Variants in HPCAL1 observed in about 807,000 individuals in gnomAD.
HPCAL1 encodes the protein hippocalcin like 1, also known as hippocalcin-like protein 1.
A neutral mutation model predicts 17.1 loss-of-function variants in HPCAL1; 8 were observed. The observed-to-expected ratio is 0.47, with a 90% CI of 0.27 to 0.84. The LOEUF is 0.84. Ranked by LOEUF, HPCAL1 falls within the 40% of genes least tolerant of loss-of-function variation. The probability of loss-of-function intolerance (pLI) is 0.13; values close to 1 mark genes in which losing one functional copy is unlikely to be tolerated. For synonymous variants in HPCAL1, 112 were observed against 111.4 expected (o/e 1.01, Z -0.03); for missense variants, 165 against 271.1 (o/e 0.61, Z 2.75).
In HPCAL1 at chr2:10,331,856, C is replaced by T. The variant is rs866065947; in HGVS notation, c.-111+28679C>T. ...TGGTGAGGGTGCCCTTCTTGTCACC[C>T]GTTGTCATTTACGAGACAGCCCTGT... On this transcript the variant is annotated intron_variant, in intron 1 of 4. Transcript: ENST00000307845. This position sits in a 1 kb window ranked among gnomAD's most constrained non-coding sequence, Gnocchi z 5.0. Among the ~76,000 whole-genome samples the T allele has an allele frequency of 6.6e-6, 1 of 152,124 alleles. No homozygotes were observed. Among genetic ancestry groups the T allele is most frequent in the Non-Finnish European group, 1.5e-5 (1 of 68,030 alleles).
intron 1 of HPCAL1, among the ~76,000 whole-genome samples, chr2:10,388,078 G>A (rs1211942809): frequency 6.6e-6 from 1 of 152,142 alleles, no homozygotes; most frequent in East Asian, 1.9e-4. Context: ...TCTGGACTAG[G>A]GTTCTAAGGT....
chr2:10,356,631 G>A (rs559480330), intron 1 of HPCAL1, among the ~76,000 whole-genome samples: 28 of 152,270 alleles, frequency 1.8e-4, no homozygotes, highest in African/African-American at 5.8e-4. Flanking sequence ...TCCATAGCCA[G>A]GCCCCGTGCC....
intron 2 of HPCAL1, among the ~76,000 whole-genome samples, chr2:10,410,057 G>T (rs1174656595): frequency 6.6e-6 from 1 of 152,034 alleles, no homozygotes; most frequent in Non-Finnish European, 1.5e-5. Context: ...CTGAAGTGCT[G>T]GGATGACAGG....
Position 10,419,809 on chromosome 2 carries a change from G to A in HPCAL1, c.52G>A (p.Glu18Lys). ...GCCCGAGGTGCTGCAGGACCTGCGG[G>A]AGAACACGGAGTTCACCGACCACGA... ...LRPEVLQDLR[E>K]NTEFTDHELQ... The change falls in exon 3 of 5, where the codon GAG becomes AAG. Residue 18 changes from glutamate to lysine, a missense_variant. Physicochemically the swap from Glu to Lys is moderately conservative, Grantham distance 56 (BLOSUM62 1). Transcript: ENST00000307845. The surrounding 1 kb of genome is among the most constrained non-coding windows in gnomAD (Gnocchi z 5.0). 1.2e-6 allele frequency: 2 copies of A among 1,613,644 alleles called. No individual in the cohort carries two copies. Among genetic ancestry groups the A allele is most frequent in the Non-Finnish European group, 1.7e-6 (2 of 1,179,976 alleles).
At chr2:10,423,158 C>A (rs766450685) in intron 4 of HPCAL1, 70 bp downstream of exon 4, 2 of 1,170,102 alleles carry the variant, frequency 1.7e-6, no homozygotes, top group Non-Finnish European at 2.5e-6. Flanking sequence ...GTTTGGGGCA[C>A]CCCCTCCCCT....
rs1383309478 is a variant in HPCAL1, at chr2:10,377,362, G to A, written c.-110-19473G>A. 1.3e-5 allele frequency among the ~76,000 whole-genome samples: 2 copies of A among 152,232 alleles called. No individual in the cohort carries two copies. Among genetic ancestry groups the A allele is most frequent in the Non-Finnish European group, 2.9e-5 (2 of 68,038 alleles). On this transcript the variant is annotated intron_variant, in intron 1 of 4. Coordinates refer to ENST00000307845, the MANE Select transcript of HPCAL1 (RefSeq NM_002149.4). The surrounding 1 kb of genome is among the most constrained non-coding windows in gnomAD (Gnocchi z 5.9). Reference sequence around the variant, plus strand: ...CCAGCAGTGCTTTACCTGGAAAGGTGTCTGAACAGTGCTTGCAAAGGTAAC... The same window carrying A: ...CCAGCAGTGCTTTACCTGGAAAGGTATCTGAACAGTGCTTGCAAAGGTAAC...
chr2:10,314,388 C>T (rs1332977933), intron 1 of HPCAL1, among the ~76,000 whole-genome samples: 1 of 152,072 alleles, frequency 6.6e-6, no homozygotes, highest in African/African-American at 2.4e-5. Flanking sequence ...TCAACCTTTC[C>T]TGTTAACTTC....
intron 2 of HPCAL1, among the ~76,000 whole-genome samples, chr2:10,407,450 C>T (rs1313216280): frequency 3.9e-5 from 6 of 152,258 alleles, no homozygotes; most frequent in African/African-American, 7.2e-5. Context: ...GCTTGGAATA[C>T]ACAACCATTC....
chr2:10,417,714 G>T (rs1331820992), intron 2 of HPCAL1, among the ~76,000 whole-genome samples: 1 of 152,156 alleles, frequency 6.6e-6, no homozygotes, highest in Non-Finnish European at 1.5e-5. Flanking sequence ...CAAGGTGAAT[G>T]TGTGTTTGGA....
intron 1 of HPCAL1, among the ~76,000 whole-genome samples, chr2:10,357,169 T>G (rs1343790904): frequency 6.6e-6 from 1 of 152,118 alleles, no homozygotes; most frequent in Non-Finnish European, 1.5e-5. Flanking sequence ...CCGTTCCTCC[T>G]CAGGGCCTGT....
intron 2 of HPCAL1, among the ~76,000 whole-genome samples, chr2:10,418,364 G>A (rs1412796804): frequency 4.0e-5 from 6 of 150,024 alleles, no homozygotes; most frequent in Non-Finnish European, 7.4e-5. Flanking sequence ...AACCCAGGAG[G>A]TGGAGGTTGC....
intron 2 of HPCAL1, among the ~76,000 whole-genome samples, chr2:10,411,603 T>A (rs966994701): frequency 6.6e-6 from 1 of 152,208 alleles, no homozygotes; most frequent in Non-Finnish European, 1.5e-5. Context: ...TGCCCCTTCC[T>A]GGGCATGCCT....
At position 10,323,329 on chromosome 2, in the gene HPCAL1, T is replaced by C. The variant is rs1168711608; in HGVS notation, c.-111+20152T>C. Reference sequence around the variant, plus strand: ...TGCCTCTTGTACCCTAACTTCAGTGTTAGAGCACCTTTCAGGGGGAATGGC... The same window carrying C: ...TGCCTCTTGTACCCTAACTTCAGTGCTAGAGCACCTTTCAGGGGGAATGGC... On this transcript the variant is annotated intron_variant, in intron 1 of 4. Coordinates refer to ENST00000307845, the MANE Select transcript of HPCAL1 (RefSeq NM_002149.4). The surrounding 1 kb of genome is among the most constrained non-coding windows in gnomAD (Gnocchi z 4.6). Among the ~76,000 whole-genome samples, 8 of 152,256 alleles carry C rather than the reference T, an allele frequency of 5.3e-5. No homozygotes were observed. The highest frequency in any genetic ancestry group is 5.2e-4 in the Admixed American group (8 of 15,292).
Position 10,343,882 on chromosome 2 carries a change from C to T in HPCAL1, c.-111+40705C>T, listed in dbSNP as rs1183273120. Among the ~76,000 whole-genome samples, 3 of 152,138 alleles carry T rather than the reference C, an allele frequency of 2.0e-5. No homozygotes were observed. The highest frequency in any genetic ancestry group is 2.9e-5 in the Non-Finnish European group (2 of 68,022). On this transcript the variant is annotated intron_variant, in intron 1 of 4. Transcript: ENST00000307845. This position sits in a 1 kb window ranked among gnomAD's most constrained non-coding sequence, Gnocchi z 4.8. Reference sequence around the variant, plus strand: ...GATGAACACATGGCCCATGGCTGTGCGCTTCCCAAGCAAGCAGTTCTGGAG... The same window carrying T: ...GATGAACACATGGCCCATGGCTGTGTGCTTCCCAAGCAAGCAGTTCTGGAG...
At chr2:10,391,129 G>A (rs1455159913) in intron 1 of HPCAL1, among the ~76,000 whole-genome samples, 2 of 152,178 alleles carry the variant, frequency 1.3e-5, no homozygotes, top group Admixed American at 6.5e-5. Flanking sequence ...GTGGGCACTC[G>A]GCCTAGGTTT....
At chr2:10,308,945 G>A (rs914222520) in intron 1 of HPCAL1, among the ~76,000 whole-genome samples, 1 of 152,154 alleles carries the variant, frequency 6.6e-6, no homozygotes, top group Non-Finnish European at 1.5e-5. Flanking sequence ...GCTCTTGTCT[G>A]TAGTTCCAGC....
intron 2 of HPCAL1, among the ~76,000 whole-genome samples, chr2:10,408,287 T>C (rs991552641): frequency 1.5e-4 from 23 of 151,942 alleles, no homozygotes; most frequent in Admixed American, 7.2e-4. Context: ...TCTTCTCATA[T>C]GTTATGTTTT....
intron 2 of HPCAL1, among the ~76,000 whole-genome samples, chr2:10,405,695 C>A (rs1027463851): frequency 2.0e-5 from 3 of 152,212 alleles, no homozygotes; most frequent in African/African-American, 7.2e-5. Context: ...TGCCTGGGAG[C>A]TGGCATGCCA....
At chr2:10,381,839 C>T (rs1486647620) in intron 1 of HPCAL1, among the ~76,000 whole-genome samples, 1 of 152,172 alleles carries the variant, frequency 6.6e-6, no homozygotes, top group Non-Finnish European at 1.5e-5. Flanking sequence ...ACAGTACAGC[C>T]ACCTTGGAAG....
Sources: gnomAD v4.1 joint callset for allele counts (sites outside exome capture counted in the v4.1 genomes callset) on GRCh38, gnomAD v4.1.1 for gene constraint, Gnocchi (gnomAD v3.1) non-coding constraint, MANE v1.5 for transcripts, NCBI Gene and HGNC (gene_info 2026-07-23, HGNC 2026-07-21) for gene names.